Variants in NF1 observed in about 807,000 individuals in gnomAD.
NF1 encodes neurofibromin.
A neutral mutation model predicts 325.7 loss-of-function variants in NF1; 122 were observed. The ratio of observed to expected loss-of-function variants is 0.37; its 90% CI spans 0.32 to 0.44. NF1 has a LOEUF of 0.44. Among genes scored for constraint, NF1 ranks in the 20% least tolerant of loss-of-function variants. The pLI, the probability that NF1 is intolerant of heterozygous loss-of-function variation, is 1.00. For synonymous variants in NF1, 1,091 were observed against 1,186.0 expected, an observed-to-expected ratio of 0.92 and a Z score of 1.65; for missense variants, 2,140 against 3,415.4, an observed-to-expected ratio of 0.63 and a Z score of 9.31.
intron 9 of NF1, 115 bp from the exon 10 acceptor site, chr17:31,200,919 TCTG>T: frequency 7.1e-7 from 1 of 1,407,866 alleles, no homozygotes; most frequent in South Asian, 1.2e-5. Flanking sequence ...TTGTGCTTCT[TCTG>T]GCAGCTGGAT....
At chr17:31,173,303 G>A (rs1325640741) in intron 5 of NF1, among the ~76,000 whole-genome samples, 1 of 152,134 alleles carries the variant, frequency 6.6e-6, no homozygotes. Flanking sequence ...CCAGCTTCTT[G>A]GGAGGCTGAG....
chr17:31,302,913 A>G (rs1303601917), intron 36 of NF1, among the ~76,000 whole-genome samples: 1 of 152,228 alleles, frequency 6.6e-6, no homozygotes, highest in East Asian at 1.9e-4. Context: ...AAGATGTAAT[A>G]TGACAATAAG....
intron 1 of NF1, among the ~76,000 whole-genome samples, chr17:31,120,532 A>G (rs1914332955): frequency 6.6e-6 from 1 of 152,200 alleles, no homozygotes; most frequent in African/African-American, 2.4e-5. Flanking sequence ...TTCTAAATAT[A>G]CAGTCATGTC....
chr17:31,145,229 G>T (rs1433983390), intron 1 of NF1, among the ~76,000 whole-genome samples: 1 of 152,148 alleles, frequency 6.6e-6, no homozygotes, highest in Non-Finnish European at 1.5e-5. Context: ...GTCTCACTCT[G>T]TTGCCCAGAC....
chr17:31,101,069 T>C (rs945192614), intron 1 of NF1, among the ~76,000 whole-genome samples: 3 of 152,166 alleles, frequency 2.0e-5, no homozygotes, highest in Non-Finnish European at 2.9e-5. Flanking sequence ...GACCAGTCTT[T>C]TTTGTTGTTG....
intron 1 of NF1, among the ~76,000 whole-genome samples, chr17:31,095,965 C>G (rs927905275): frequency 6.6e-6 from 1 of 152,130 alleles, no homozygotes; most frequent in Admixed American, 6.5e-5. Context: ...ATCGTCTCAT[C>G]CTGCCCCGAG....
intron 1 of NF1, among the ~76,000 whole-genome samples, chr17:31,108,594 T>C (rs1467406294): frequency 6.6e-6 from 1 of 152,180 alleles, no homozygotes; most frequent in Non-Finnish European, 1.5e-5. Flanking sequence ...TGTTATAAAT[T>C]AATCCTTTTG....
intron 36 of NF1, among the ~76,000 whole-genome samples, chr17:31,292,732 T>C (rs1302225443): frequency 1.3e-5 from 2 of 152,186 alleles, no homozygotes; most frequent in Non-Finnish European, 2.9e-5. Flanking sequence ...GACTCTGCAT[T>C]TTGCAGACAT....
intron 16 of NF1, 41 bp downstream of exon 16, chr17:31,223,608 G>T: frequency 6.3e-7 from 1 of 1,585,760 alleles, no homozygotes; most frequent in South Asian, 1.1e-5. Context: ...AGAATATTTG[G>T]AATGGTAATG....
chr17:31,254,673 C>T (rs2067552490), intron 31 of NF1, among the ~76,000 whole-genome samples: 1 of 149,694 alleles, frequency 6.7e-6, no homozygotes, highest in Non-Finnish European at 1.5e-5. Flanking sequence ...TGTTTTCTAG[C>T]CTTTCTAACA....
At chr17:31,124,651 G>A (rs1430701679) in intron 1 of NF1, among the ~76,000 whole-genome samples, 5 of 137,914 alleles carry the variant, frequency 3.6e-5, no homozygotes, top group African/African-American at 1.4e-4. Flanking sequence ...CCAGGCTGGA[G>A]TGCAGTGGTG....
At position 31,232,141 on chromosome 17, in the gene NF1, A is replaced by G. The variant is rs2067123591; in HGVS notation, c.3266A>G (p.Glu1089Gly). ...GCTGGTCTCCCTCTGCAGCCTGAAGAAGGAGATGGTGTGGAATTGATGGAA... is the reference window on the plus strand; with the variant it reads ...GCTGGTCTCCCTCTGCAGCCTGAAGGAGGAGATGGTGTGGAATTGATGGAA... ...LLAGLPLQPE[E>G]GDGVELMEAK... The change falls in exon 25 of 58, where the codon GAA (glutamate) becomes GGA (glycine). Residue 1089 changes from glutamate (E) to glycine (G), a missense_variant. Physicochemically the swap from Glu to Gly is moderately conservative, Grantham distance 98. Transcript: ENST00000358273. The G allele has an allele frequency of 1.2e-6, 2 of 1,608,584 alleles. No individual in the cohort carries two copies. The highest frequency in any genetic ancestry group is 1.7e-6 in the Non-Finnish European group (2 of 1,178,236).
chr17:31,334,683 C>G, intron 39 of NF1, 155 bp from the exon 40 acceptor site: 1 of 650,560 alleles, frequency 1.5e-6, no homozygotes, highest in Admixed American at 2.7e-5. Flanking sequence ...TTCTTCGCCT[C>G]TACAAAAATA....
At chr17:31,118,965 T>C (rs1914195999) in intron 1 of NF1, among the ~76,000 whole-genome samples, 1 of 151,176 alleles carries the variant, frequency 6.6e-6, no homozygotes, top group Non-Finnish European at 1.5e-5. Flanking sequence ...AGATGGAGTC[T>C]CACTGTGTTG....
chr17:31,096,383 G>A (rs1911724555), intron 1 of NF1, among the ~76,000 whole-genome samples: 1 of 152,108 alleles, frequency 6.6e-6, no homozygotes, highest in Non-Finnish European at 1.5e-5. Context: ...AAAAAGTTTT[G>A]TAGCTTGAGG....
chr17:31,172,367 CTCTCTTTCTCTCTT>C (rs1413828910), intron 5 of NF1, among the ~76,000 whole-genome samples: 1 of 145,886 alleles, frequency 6.9e-6, no homozygotes, highest in African/African-American at 2.5e-5. Context: ...CTCTCTCTCT[CTCTCTTTCTCTCTT>C]TCTCTCGATA....
At chr17:31,300,465 A>T (rs2068551020) in intron 36 of NF1, among the ~76,000 whole-genome samples, 1 of 152,072 alleles carries the variant, frequency 6.6e-6, no homozygotes, top group South Asian at 2.1e-4. Flanking sequence ...ATCACTCCAT[A>T]TCAGTATATA....
intron 5 of NF1, among the ~76,000 whole-genome samples, chr17:31,176,431 CAAAAAT>C (rs1406710512): frequency 7.9e-5 from 12 of 152,254 alleles, no homozygotes; most frequent in African/African-American, 2.4e-4. Context: ...GGGTAGATTG[CAAAAAT>C]TTTCTCCCAT....
chr17:31,303,628 C>T (rs1321755728), intron 36 of NF1: 1 of 151,952 alleles, frequency 6.6e-6, no homozygotes, highest in Non-Finnish European at 1.5e-5. Context: ...AATTTGTGCC[C>T]CCCCAACATG....
Sources: allele counts gnomAD v4.1 joint callset (sites outside exome capture counted in the v4.1 genomes callset), GRCh38; gene constraint gnomAD v4.1.1; transcripts MANE v1.5; gene names NCBI Gene and HGNC (gene_info 2026-07-23, HGNC 2026-07-21).